The following NPSR1 variants were observed in gnomAD, a reference collection of about 807,000 sequenced individuals.
NPSR1 encodes the protein neuropeptide S receptor 1, also known as neuropeptide S receptor.
A neutral mutation model predicts 46.9 loss-of-function variants in NPSR1; 48 were observed. The observed-to-expected ratio is 1.02, with a 90% CI of 0.81 to 1.30. The LOEUF (loss-of-function observed/expected upper bound fraction) is 1.30, where lower values mean the gene tolerates loss of function less well. NPSR1 is among the 50% of genes most tolerant of loss of function. NPSR1 has a pLI of 0.00. For missense variants in NPSR1, 450 were observed against 449.5 expected (o/e 1.00, Z -0.01); for synonymous variants, 176 against 168.1 (o/e 1.05, Z -0.36).
At chr7:34,709,710 T>C (rs994093201) in intron 2 of NPSR1, among the ~76,000 whole-genome samples, 1 of 152,230 alleles carries the variant, frequency 6.6e-6, no homozygotes, top group Non-Finnish European at 1.5e-5. Context: ...ACAGGGATCT[T>C]TGTTTTATTC....
intron 2 of NPSR1, among the ~76,000 whole-genome samples, chr7:34,685,506 A>G (rs1413424089): frequency 1.3e-5 from 2 of 152,192 alleles, no homozygotes; most frequent in Non-Finnish European, 2.9e-5. Flanking sequence ...ATAGAAAAAA[A>G]AATGCAAAAG....
intron 2 of NPSR1, among the ~76,000 whole-genome samples, chr7:34,747,310 G>A (rs1250789040): frequency 6.6e-6 from 1 of 152,038 alleles, no homozygotes; most frequent in African/African-American, 2.4e-5. Context: ...TAAGGCACAG[G>A]GGCCCTCTTC....
chr7:34,738,213 A>G (rs1464802242), intron 2 of NPSR1, among the ~76,000 whole-genome samples: 1 of 152,212 alleles, frequency 6.6e-6, no homozygotes, highest in Admixed American at 6.5e-5. Flanking sequence ...CATAAAATCA[A>G]TTAGGCAATA....
rs115057146 is a variant in NPSR1 at position 34,658,468 on chromosome 7, T to C, written c.56T>C (p.Leu19Pro). 6.2e-7 allele frequency: 1 copy of C among 1,614,200 alleles called. No homozygotes were observed. The highest frequency in any genetic ancestry group is 1.3e-5 in the African/African-American group (1 of 75,064). ...SFDSSGTGQTLDSSPVACTET... is the reference protein window; with the variant it reads ...SFDSSGTGQTPDSSPVACTET... The stretch of plus-strand genomic sequence containing the variant: ...GATTCCAGTGGGACCGGGCAGACGC[T>C]GGATTCTTCCCCAGTGGCTTGCACT... The change falls in exon 1 of 9, where the codon CTG becomes CCG. Residue 19 changes from leucine to proline, a missense_variant. Leu to Pro is a moderately conservative substitution (Grantham distance 98). Transcript: ENST00000360581.
chr7:34,678,218 CTTTT>C (rs869140156), intron 1 of NPSR1, among the ~76,000 whole-genome samples: 1,975 of 100,564 alleles, frequency 0.02, 12 homozygotes, highest in Middle Eastern at 0.037. Context: ...CTTTGCAATT[CTTTT>C]TTTTTTTTTT....
chr7:34,827,347 G>T, intron 4 of NPSR1, 54 bp from the exon 5 acceptor site: 2 of 1,510,504 alleles, frequency 1.3e-6, no homozygotes, highest in Non-Finnish European at 1.8e-6. Flanking sequence ...ACTCCATTGT[G>T]CTCCCAAAAA....
rs1227996795 is a variant in NPSR1, at chr7:34,811,849, A to G, written c.464A>G (p.Lys155Arg). 6.2e-7 allele frequency: 1 copy of G among 1,612,924 alleles called. No individual in the cohort carries two copies. The highest frequency in any genetic ancestry group is 8.5e-7 in the Non-Finnish European group (1 of 1,179,434). Residue 155 changes from lysine to arginine, a missense_variant, in exon 4 of 9, where the codon AAG (lysine) becomes AGG (arginine). By Grantham distance (26) the Lys-to-Arg change is conservative. Coordinates refer to ENST00000360581, the MANE Select transcript of NPSR1 (RefSeq NM_207172.2). The stretch of plus-strand genomic sequence containing the variant: ...TACCATGCCATCGTCTACCCCATGA[A>G]GTTCCTTCAAGGAGGTGAGCTGGCT... ...DRYHAIVYPM[K>R]FLQGEKQARV...
chr7:34,690,100 C>T (rs967791111), intron 2 of NPSR1, among the ~76,000 whole-genome samples: 11 of 152,078 alleles, frequency 7.2e-5, no homozygotes, highest in Non-Finnish European at 1.6e-4. Context: ...GCTACTACAA[C>T]CAGCATTTGG....
chr7:34,747,129 C>CAAAAAAAAAAA (rs5883471), intron 2 of NPSR1, among the ~76,000 whole-genome samples: 4 of 106,918 alleles, frequency 3.7e-5, no homozygotes, highest in Non-Finnish European at 5.6e-5. Flanking sequence ...ACCAAAAAAA[C>CAAAAAAAAAAA]AAAAAAAAAA....
At chr7:34,746,973 A>T (rs1245880091) in intron 2 of NPSR1, among the ~76,000 whole-genome samples, 1 of 152,010 alleles carries the variant, frequency 6.6e-6, no homozygotes, top group African/African-American at 2.4e-5. Flanking sequence ...AAAAATACAA[A>T]AATTAGCTGT....
At chr7:34,828,272 G>T (rs992602994) in intron 5 of NPSR1, among the ~76,000 whole-genome samples, 1 of 152,210 alleles carries the variant, frequency 6.6e-6, no homozygotes, top group African/African-American at 2.4e-5. Flanking sequence ...TAGAGGCAGA[G>T]TGGACAGGTA....
intron 2 of NPSR1, among the ~76,000 whole-genome samples, chr7:34,692,565 AG>A (rs1468251480): frequency 6.6e-6 from 1 of 152,236 alleles, no homozygotes; most frequent in Non-Finnish European, 1.5e-5. Context: ...CTAAGAGAAA[AG>A]TTTATAGAAT....
chr7:34,724,929 C>T (rs115708178), intron 2 of NPSR1, among the ~76,000 whole-genome samples: 44 of 152,014 alleles, frequency 2.9e-4, no homozygotes, highest in Non-Finnish European at 3.4e-4. Flanking sequence ...TAAATAAAAC[C>T]GCAAATGTCT....
At chr7:34,711,005 C>A in intron 2 of NPSR1, 1 of 345,424 alleles carries the variant, frequency 2.9e-6, no homozygotes, top group South Asian at 2.8e-5. Flanking sequence ...CTTCTATGTA[C>A]CTGCAGAACG....
intron 8 of NPSR1, among the ~76,000 whole-genome samples, chr7:34,864,897 T>C (rs1314120461): frequency 1.3e-5 from 2 of 151,900 alleles, no homozygotes; most frequent in African/African-American, 4.9e-5. Context: ...TTGTCCCCTC[T>C]TCCAGGCACA....
At chr7:34,810,632 A>T (rs1021201532) in intron 3 of NPSR1, among the ~76,000 whole-genome samples, 3 of 152,214 alleles carry the variant, frequency 2.0e-5, no homozygotes, top group Non-Finnish European at 4.4e-5. Flanking sequence ...TCCCACTGAT[A>T]AAAAGCAAAT....
At chr7:34,741,720 T>C (rs1335154155) in intron 2 of NPSR1, among the ~76,000 whole-genome samples, 2 of 152,186 alleles carry the variant, frequency 1.3e-5, no homozygotes, top group Admixed American at 1.3e-4. Context: ...ACCAAAACTC[T>C]TCAAGAATAA....
chr7:34,751,674 C>T lies in NPSR1; in HGVS notation c.281-26788C>T. 3.8e-6 allele frequency: 6 copies of T among 1,591,512 alleles called. No individual in the cohort carries two copies. In the South Asian group the frequency reaches 6.6e-5, roughly 18 times the overall value. Reference sequence around the variant, plus strand: ...GCAGAGCCACATCCCCAGCCAGGGACAAGAGGTTCATCAACAGGAAAGTGG... The same window carrying T: ...GCAGAGCCACATCCCCAGCCAGGGATAAGAGGTTCATCAACAGGAAAGTGG... On this transcript the variant is annotated intron_variant, in intron 2 of 8. Coordinates refer to ENST00000360581, the MANE Select transcript of NPSR1 (RefSeq NM_207172.2).
At chr7:34,868,944 A>G (rs1791387799) in intron 8 of NPSR1, among the ~76,000 whole-genome samples, 1 of 151,734 alleles carries the variant, frequency 6.6e-6, no homozygotes, top group South Asian at 2.1e-4. Flanking sequence ...CTGCTTGCAG[A>G]AGACAGGACT....
Sources: gnomAD v4.1 joint callset for allele counts (sites outside exome capture counted in the v4.1 genomes callset) on GRCh38, gnomAD v4.1.1 for gene constraint, MANE v1.5 for transcripts, NCBI Gene and HGNC (gene_info 2026-07-23, HGNC 2026-07-21) for gene names.